Variants in C19orf47 observed in about 807,000 individuals in gnomAD.
C19orf47 encodes the protein uncharacterized protein C19orf47.
A neutral mutation model predicts 32.3 loss-of-function variants in C19orf47; 18 were observed. The ratio of observed to expected loss-of-function variants is 0.56; its 90% CI spans 0.39 to 0.83. C19orf47 has a LOEUF of 0.83. Among genes scored for constraint, C19orf47 ranks in the 40% least tolerant of loss-of-function variants. The pLI, the probability that C19orf47 is intolerant of heterozygous loss-of-function variation, is 0.00. For synonymous variants in C19orf47, 202 were observed against 211.1 expected (o/e 0.96, Z 0.37); for missense variants, 484 against 531.6 (o/e 0.91, Z 0.88).
chr19:40,328,019 T>C (rs2077869086), intron 6 of C19orf47, among the ~76,000 whole-genome samples: 1 of 152,230 alleles, frequency 6.6e-6, no homozygotes, highest in South Asian at 2.1e-4. Flanking sequence ...ATGGATCCCT[T>C]GGCTGCTAAG....
the C19orf47 span, among the ~76,000 whole-genome samples, chr19:40,299,193 A>AAT: frequency 4.9e-3 from 750 of 152,242 alleles, 8 homozygotes; most frequent in African/African-American, 0.016. Context: ...TAAGAGAGCT[A>AAT]ATATATATAT....
chr19:40,319,364 G>A (rs1478972237), downstream of C19orf47, among the ~76,000 whole-genome samples: 3 of 151,566 alleles, frequency 2.0e-5, no homozygotes, highest in Admixed American at 6.6e-5. Context: ...ATAAATAAAC[G>A]GATGAGATCT....
chr19:40,347,135 C>T (rs1329203180), intron 1 of C19orf47, among the ~76,000 whole-genome samples: 4 of 152,132 alleles, frequency 2.6e-5, no homozygotes, highest in Admixed American at 1.3e-4. Flanking sequence ...TTTCAATTAT[C>T]TTTCCATTTC....
chr19:40,307,469 G>A, the C19orf47 span, among the ~76,000 whole-genome samples: 47 of 152,260 alleles, frequency 3.1e-4, no homozygotes, highest in South Asian at 1.2e-3. Context: ...CATGAGCTCG[G>A]CTCACTGCAA....
At chr19:40,336,445 T>C (rs753357143) in intron 2 of C19orf47, 38 bp from the exon 3 acceptor site, 2 of 1,557,280 alleles carry the variant, frequency 1.3e-6, no homozygotes, top group South Asian at 2.3e-5. Flanking sequence ...CACACTGTCC[T>C]CTTTAGAGAA....
chr19:40,323,536 T>G lies in C19orf47; in HGVS notation c.663+470A>C, dbSNP rs774230675. On this transcript the variant is annotated intron_variant, in intron 8 of 8. Transcript: ENST00000683109. ...GGGCTTCCAGTGAGGGGACGGGCCC[T>G]GTCCTGTGGGCCGCACACACTGCTG... Among the ~76,000 whole-genome samples, 7 of 152,140 alleles carry G rather than the reference T, an allele frequency of 4.6e-5. No homozygotes were observed. In the South Asian group the frequency reaches 8.3e-4, roughly 18 times the overall value.
chr19:40,303,677 G>T, the C19orf47 span, among the ~76,000 whole-genome samples: 3 of 150,018 alleles, frequency 2.0e-5, no homozygotes, highest in African/African-American at 7.4e-5. Context: ...GGTGGCATGC[G>T]CCTGTAGTCC....
the C19orf47 span, among the ~76,000 whole-genome samples, chr19:40,310,023 C>A: frequency 6.6e-6 from 1 of 152,092 alleles, no homozygotes; most frequent in Non-Finnish European, 1.5e-5. Flanking sequence ...AGGGTATATA[C>A]CCAAGAGAAT....
the C19orf47 span, among the ~76,000 whole-genome samples, chr19:40,297,312 T>C: frequency 2.6e-5 from 4 of 152,176 alleles, no homozygotes; most frequent in Non-Finnish European, 4.4e-5. Context: ...ATGCCTGTAA[T>C]CCCAGCACTT....
chr19:40,341,295 T>C (rs78064137), intron 2 of C19orf47, among the ~76,000 whole-genome samples: 3 of 147,248 alleles, frequency 2.0e-5, no homozygotes, highest in African/African-American at 2.5e-5. Context: ...GATCGTGCCA[T>C]TGCACTCCAG....
chr19:40,337,471 AG>A (rs1438101814), intron 2 of C19orf47, among the ~76,000 whole-genome samples: 1 of 151,876 alleles, frequency 6.6e-6, no homozygotes, highest in Non-Finnish European at 1.5e-5. Flanking sequence ...GTGATAGCTA[AG>A]ATCACTGATT....
At chr19:40,330,395 A>AT (rs1179102087) in intron 5 of C19orf47, among the ~76,000 whole-genome samples, 1 of 151,428 alleles carries the variant, frequency 6.6e-6, no homozygotes, top group Admixed American at 6.6e-5. Context: ...TGCCCGGCTA[A>AT]TTTTTTTGTG....
the C19orf47 span, among the ~76,000 whole-genome samples, chr19:40,304,026 A>G: frequency 6.6e-6 from 1 of 151,940 alleles, no homozygotes; most frequent in South Asian, 2.1e-4. Context: ...CTTATTAAAT[A>G]CCTGTTTGCT....
the C19orf47 span, among the ~76,000 whole-genome samples, chr19:40,298,092 T>C: frequency 6.6e-5 from 10 of 152,040 alleles, no homozygotes; most frequent in Non-Finnish European, 1.3e-4. Context: ...GAGCTGACTT[T>C]GTCTAATGTC....
chr19:40,313,815 G>A, the C19orf47 span, among the ~76,000 whole-genome samples: 1 of 151,970 alleles, frequency 6.6e-6, no homozygotes, highest in African/African-American at 2.4e-5. Flanking sequence ...CTGCAATCTG[G>A]CCTGGGTGAC....
chr19:40,315,993 C>T (rs542866705), downstream of C19orf47, among the ~76,000 whole-genome samples: 1 of 150,330 alleles, frequency 6.7e-6, no homozygotes, highest in Non-Finnish European at 1.5e-5. Flanking sequence ...AAAATAAAGT[C>T]TATTACAAAA....
chr19:40,340,931 T>C (rs1388737436), intron 2 of C19orf47, among the ~76,000 whole-genome samples: 2 of 149,282 alleles, frequency 1.3e-5, no homozygotes, highest in African/African-American at 5.0e-5. Context: ...TGAGCTGAGA[T>C]TGCACCACTG....
At chr19:40,329,103 C>A (rs1485966793) in intron 5 of C19orf47, among the ~76,000 whole-genome samples, 1 of 152,098 alleles carries the variant, frequency 6.6e-6, no homozygotes, top group Non-Finnish European at 1.5e-5. Context: ...TCTTCACAGC[C>A]CTTACAACTG....
chr19:40,295,913 A>G, the C19orf47 span, among the ~76,000 whole-genome samples: 25 of 151,822 alleles, frequency 1.6e-4, no homozygotes, highest in African/African-American at 5.8e-4. Context: ...CTCCTGGCTA[A>G]TATTTTTAGT....
Sources: allele counts gnomAD v4.1 joint callset (sites outside exome capture counted in the v4.1 genomes callset), GRCh38; gene constraint gnomAD v4.1.1; transcripts MANE v1.5; gene names NCBI Gene and HGNC (gene_info 2026-07-23, HGNC 2026-07-21).